Variants in SNRNP200 observed in about 807,000 individuals in gnomAD.
SNRNP200 encodes small nuclear ribonucleoprotein U5 subunit 200, also known as U5 small nuclear ribonucleoprotein 200 kDa helicase.
A neutral mutation model predicts 255.2 loss-of-function variants in SNRNP200; 66 were observed. The observed-to-expected ratio is 0.26, with a 90% CI of 0.21 to 0.32. The LOEUF is 0.32. Ranked by LOEUF, SNRNP200 falls within the 10% of genes least tolerant of loss-of-function variation. The pLI, the probability that SNRNP200 is intolerant of heterozygous loss-of-function variation, is 1.00. For synonymous variants in SNRNP200, 939 were observed against 1,027.8 expected (o/e 0.91, Z 1.65); for missense variants, 1,585 against 2,749.8 (o/e 0.58, Z 9.47).
intron 14 of SNRNP200, 120 bp from the exon 15 acceptor site, chr2:96,293,629 C>G (rs1246764767): frequency 1.0e-5 from 9 of 878,268 alleles, no homozygotes; most frequent in Non-Finnish European, 1.6e-5. Flanking sequence ...ACAAGGGATC[C>G]CAAGCCACAG....
chr2:96,294,216 C>T (rs2063902215), intron 14 of SNRNP200, among the ~76,000 whole-genome samples: 1 of 151,684 alleles, frequency 6.6e-6, no homozygotes, highest in Non-Finnish European at 1.5e-5. Context: ...GGTGCATCAC[C>T]CAAGGCCAGG....
intron 36 of SNRNP200, 94 bp from the exon 37 acceptor site, chr2:96,279,092 TGA>T (rs1435683868): frequency 1.5e-5 from 15 of 1,024,608 alleles, no homozygotes; most frequent in Non-Finnish European, 2.1e-5. Flanking sequence ...GGTCCCTGTG[TGA>T]GACCTAACTA....
At position 96,287,109 on chromosome 2, in the gene SNRNP200, T is replaced by C. The variant is rs2104344976; in HGVS notation, c.3536A>G (p.His1179Arg). ...KMGKTIHKYVHLFPKLELSVH... is the reference protein window; with the variant it reads ...KMGKTIHKYVRLFPKLELSVH... ...TGACAACTCCAACTTGGGAAACAGATGGACATATTTGTGGATGGTCTTCCC... is the reference window on the plus strand; with the variant it reads ...TGACAACTCCAACTTGGGAAACAGACGGACATATTTGTGGATGGTCTTCCC... The change falls in exon 27 of 45, where the codon CAT becomes CGT. Residue 1179 changes from histidine to arginine, a missense_variant. His to Arg is a conservative substitution (Grantham distance 29, BLOSUM62 0). Coordinates refer to ENST00000323853, the MANE Select transcript of SNRNP200 (RefSeq NM_014014.5). The surrounding 1 kb of genome is among the most constrained non-coding windows in gnomAD (Gnocchi z 5.7). The C allele has an allele frequency of 1.2e-6, 2 of 1,614,152 alleles. No individual in the cohort carries two copies. The highest frequency in any genetic ancestry group is 2.2e-5 in the East Asian group (1 of 44,880).
At chr2:96,297,203 A>G in intron 11 of SNRNP200, 133 bp from the exon 12 acceptor site, 1 of 1,499,748 alleles carries the variant, frequency 6.7e-7, no homozygotes, top group Non-Finnish European at 9.2e-7. Flanking sequence ...TCCAGAGATC[A>G]ATATTGTCCC....
rs771706709 is a variant in SNRNP200, at chr2:96,277,672, T to C, written c.5798A>G (p.Asn1933Ser). 6.8e-6 allele frequency: 11 copies of C among 1,614,122 alleles called. No individual in the cohort carries two copies. The highest frequency in any genetic ancestry group is 9.3e-6 in the Non-Finnish European group (11 of 1,180,016). The change falls in exon 41 of 45, where the codon AAT becomes AGT. Residue 1933 changes from asparagine (N) to serine (S), a missense_variant. By Grantham distance (46) the Asn-to-Ser change is conservative. Around this residue, in one of 9 missense-constraint regions of SNRNP200, gnomAD observed 279 missense variants for 551.2 expected, o/e 0.51. Transcript: ENST00000323853. The surrounding 1 kb of genome is among the most constrained non-coding windows in gnomAD (Gnocchi z 4.4). Reference protein sequence around the residue: ...IQACVDVLSSNGWLSPALAAM... With the variant: ...IQACVDVLSSSGWLSPALAAM... ...TGCCAGAGCAGGGCTGAGCCACCCA[T>C]TGCTGGAAAGGACATCCACGCAGGC...
rs1467053738 is a variant in SNRNP200, at chr2:96,293,377, C to T, written c.1975G>A (p.Glu659Lys). ...IGLSATLPNYEDVATFLRVDP... is the reference protein window; with the variant it reads ...IGLSATLPNYKDVATFLRVDP... ...ACACGTAGAAAGGTGGCTACATCTT[C>T]ATAGTTGGGTAGGGTGGCACTGAGA... The change falls in exon 15 of 45, where the codon GAA becomes AAA. Residue 659 changes from glutamate to lysine, a missense_variant. This residue lies in a region of SNRNP200 where 140 missense variants were observed against 274.9 expected (regional missense o/e 0.51). Transcript: ENST00000323853. 1 of 1,614,176 alleles carries T rather than the reference C, an allele frequency of 6.2e-7. No individual in the cohort carries two copies. The highest frequency in any genetic ancestry group is 8.5e-7 in the Non-Finnish European group (1 of 1,180,040).
Position 96,275,305 on chromosome 2 carries a change from G to T in SNRNP200, c.6219C>A (p.Ser2073=). Residue 2073 remains serine (S), a synonymous_variant, in exon 44 of 45, where the codon TCC becomes TCA. Coordinates refer to ENST00000323853, the MANE Select transcript of SNRNP200 (RefSeq NM_014014.5). ...GWWVVIGDAK[S]NSLISIKRLT... ...GCCTCTTGATGGAGATGAGGCTATT[G>T]GACTTGGCATCTCCAATCACCACCC... is the stretch of plus-strand genomic sequence containing the variant. The T allele has an allele frequency of 6.2e-7, 1 of 1,613,952 alleles. No individual in the cohort carries two copies. The highest frequency in any genetic ancestry group is 8.5e-7 in the Non-Finnish European group (1 of 1,180,032).
intron 14 of SNRNP200, 58 bp from the exon 15 acceptor site, chr2:96,293,567 C>A (rs1020249148): frequency 5.3e-6 from 8 of 1,523,378 alleles, no homozygotes; most frequent in Non-Finnish European, 7.3e-6. Flanking sequence ...GTCCCTTTTC[C>A]TGGAATTGTC....
rs1259913357 is a variant in SNRNP200 at position 96,290,280 on chromosome 2, G to A, written c.2742+46C>T. ...GGACCGACCCACTCCTGGTGCCTTG[G>A]TGTCTGCGGGGAAAGCATGAAGCAC... On this transcript the variant is annotated intron_variant, in intron 20 of 44. Transcript: ENST00000323853. This position sits in a 1 kb window ranked among gnomAD's most constrained non-coding sequence, Gnocchi z 4.5. The A allele has an allele frequency of 1.2e-6, 2 of 1,601,858 alleles. No homozygotes were observed. Among genetic ancestry groups the A allele is most frequent in the African/African-American group, 1.3e-5 (1 of 74,736 alleles).
chr2:96,304,384 G>A (rs1193876461), intron 2 of SNRNP200, among the ~76,000 whole-genome samples: 1 of 152,208 alleles, frequency 6.6e-6, no homozygotes, highest in Non-Finnish European at 1.5e-5. Context: ...GGGGTAGGAA[G>A]TTAGTAATGG....
Position 96,282,134 on chromosome 2 carries a change from G to C in SNRNP200, c.4916-212C>G, listed in dbSNP as rs2063802598. ...TGCCTTGCTCTGGGACTATCCAGGA[G>C]AAAACAAGTCATCATAGAACAGAAC... is the stretch of plus-strand genomic sequence containing the variant. On this transcript the variant is annotated intron_variant, in intron 34 of 44. Coordinates refer to ENST00000323853, the MANE Select transcript of SNRNP200 (RefSeq NM_014014.5). 7.3e-6 allele frequency: 4 copies of C among 549,168 alleles called. No homozygotes were observed. The South Asian group carries it at 8.0e-5, about 11-fold the overall frequency. The allele number at this position is 549,168 out of a possible 1,614,324, so 34.0% of individuals were successfully genotyped here.
At chr2:96,276,551 A>C in intron 43 of SNRNP200, 1 of 346,024 alleles carries the variant, frequency 2.9e-6, no homozygotes. Context: ...CCTCCTGAGT[A>C]GCTGGGACTA....
Position 96,278,311 on chromosome 2 carries a change from T to A in SNRNP200, c.5536A>T (p.Ile1846Phe). The change falls in exon 39 of 45, where the codon ATC (isoleucine) becomes TTC (phenylalanine). Residue 1846 changes from isoleucine (I) to phenylalanine (F), a missense_variant. Coordinates refer to ENST00000323853, the MANE Select transcript of SNRNP200 (RefSeq NM_014014.5). This position sits in a 1 kb window ranked among gnomAD's most constrained non-coding sequence, Gnocchi z 6.9. ...TCTGCTGCATTGGAGATGATCTCGA[T>A]AAGCCCTCGCACCTTGGTCTTGGCA... ...LNAKTKVRGL[I>F]EIISNAAEYE... The A allele has an allele frequency of 6.2e-7, 1 of 1,614,174 alleles. No homozygotes were observed. The highest frequency in any genetic ancestry group is 8.5e-7 in the Non-Finnish European group (1 of 1,180,028).
At chr2:96,285,460 T>C (rs748069369) in intron 29 of SNRNP200, 120 bp from the exon 30 acceptor site, 1 of 1,168,064 alleles carries the variant, frequency 8.6e-7, no homozygotes, top group Non-Finnish European at 1.2e-6. Context: ...AGTTCTGGAG[T>C]GCAGACAGAG....
Position 96,285,166 on chromosome 2 carries a change from G to A in SNRNP200, c.4164+14C>T, listed in dbSNP as rs1251431332. 2 of 1,613,678 alleles carry A rather than the reference G, an allele frequency of 1.2e-6. No individual in the cohort carries two copies. The highest frequency in any genetic ancestry group is 1.3e-5 in the African/African-American group (1 of 74,928). On this transcript the variant is annotated intron_variant, in intron 30 of 44. Coordinates refer to ENST00000323853, the MANE Select transcript of SNRNP200 (RefSeq NM_014014.5). ...CTTCTTGGGAAATTCACATGACACA[G>A]CGCCACGTCATACCTGCTCTGCCAG...
chr2:96,278,825 A>G lies in SNRNP200; in HGVS notation c.5307T>C (p.Asn1769=). 1 of 1,614,170 alleles carries G rather than the reference A, an allele frequency of 6.2e-7. No individual in the cohort carries two copies. The highest frequency in any genetic ancestry group is 8.5e-7 in the Non-Finnish European group (1 of 1,180,040). Residue 1769 remains asparagine, a synonymous_variant, in exon 37 of 45, where the codon AAT becomes AAC. Coordinates refer to ENST00000323853, the MANE Select transcript of SNRNP200 (RefSeq NM_014014.5). The surrounding 1 kb of genome is among the most constrained non-coding windows in gnomAD (Gnocchi z 6.9). ...FLYRRMTQNP[N]YYNLQGISHR... is the part of the protein sequence containing the mutation. ...CCCACTGACCCTGCAGGTTGTAGTAATTGGGGTTCTGTGTCATGCGGCGGT... is the reference window on the plus strand; with the variant it reads ...CCCACTGACCCTGCAGGTTGTAGTAGTTGGGGTTCTGTGTCATGCGGCGGT...
intron 5 of SNRNP200, among the ~76,000 whole-genome samples, chr2:96,299,944 T>A (rs544719856): frequency 1.3e-5 from 2 of 152,338 alleles, no homozygotes; most frequent in East Asian, 3.9e-4. Context: ...CTTAAAATCA[T>A]CAAATCCTAT....
chr2:96,293,526 C>T lies in SNRNP200; in HGVS notation c.1843-17G>A. ...AATCTCATCCTACGGAATTGGAGGA[C>T]AGAAATTACCTCTAGCACTAGAGAT... On this transcript the variant is annotated splice_polypyrimidine_tract_variant and intron_variant, in intron 14 of 44. Transcript: ENST00000323853. The T allele has an allele frequency of 6.2e-7, 1 of 1,606,958 alleles. No homozygotes were observed. Among genetic ancestry groups the T allele is most frequent in the Non-Finnish European group, 8.5e-7 (1 of 1,175,428 alleles).
chr2:96,296,470 A>G, intron 13 of SNRNP200, 66 bp downstream of exon 13: 2 of 1,533,468 alleles, frequency 1.3e-6, no homozygotes, highest in Non-Finnish European at 1.8e-6. Context: ...GGTGAGGTCC[A>G]GGCCTGTCCA....
Sources: gnomAD v4.1 joint callset for allele counts (sites outside exome capture counted in the v4.1 genomes callset) on GRCh38, gnomAD v4.1.1 for gene constraint, gnomAD v4.1.1 regional missense constraint, Gnocchi (gnomAD v3.1) non-coding constraint, MANE v1.5 for transcripts, NCBI Gene and HGNC (gene_info 2026-07-23, HGNC 2026-07-21) for gene names.